Variants in SAE1 observed in about 807,000 individuals in gnomAD.
The protein encoded by SAE1 is SUMO1 activating enzyme subunit 1.
In SAE1, 11 loss-of-function variants were observed where a neutral mutation model predicts 40.6. That is an observed-to-expected ratio of 0.27 (90% CI 0.17 to 0.45). SAE1 has a LOEUF of 0.45. Among genes scored for constraint, SAE1 ranks in the 20% least tolerant of loss-of-function variants. SAE1 has a pLI of 1.00. For missense variants in SAE1, 373 were observed against 427.3 expected, an observed-to-expected ratio of 0.87 and a Z score of 1.12; for synonymous variants, 155 against 154.3, an observed-to-expected ratio of 1.00 and a Z score of -0.03.
intron 1 of SAE1, among the ~76,000 whole-genome samples, chr19:47,138,187 G>A (rs546594347): frequency 4.6e-5 from 7 of 152,110 alleles, no homozygotes. Context: ...GGGATTACAG[G>A]CGCCTGCTAC....
At chr19:47,157,139 T>C (rs561745607) in intron 5 of SAE1, among the ~76,000 whole-genome samples, 72 of 152,086 alleles carry the variant, frequency 4.7e-4, no homozygotes, top group African/African-American at 1.7e-3. Context: ...GCGTTGGAGA[T>C]TTTCTTTCTC....
Position 47,209,368 on chromosome 19 carries a change from C to T in SAE1, c.*117C>T, listed in dbSNP as rs778916505. On this transcript the variant is annotated 3_prime_UTR_variant, in exon 9 of 9. Coordinates refer to ENST00000270225, the MANE Select transcript of SAE1 (RefSeq NM_005500.3). ...GAAAACTGAAGTCATTGGCCCGATA[C>T]AAAACATTTCCTGCAACGAAGGAGG... 589 of 1,549,018 alleles carry T rather than the reference C, an allele frequency of 3.8e-4. No homozygotes were observed. The highest frequency in any genetic ancestry group is 5.0e-4 in the Non-Finnish European group (572 of 1,137,782).
intron 1 of SAE1, among the ~76,000 whole-genome samples, chr19:47,136,426 C>A (rs897145103): frequency 1.6e-4 from 25 of 152,086 alleles, no homozygotes; most frequent in African/African-American, 5.6e-4. Context: ...GCGTGAGCCA[C>A]CACACCCAGC....
chr19:47,165,567 G>A (rs2058387413), intron 5 of SAE1, among the ~76,000 whole-genome samples: 1 of 152,168 alleles, frequency 6.6e-6, no homozygotes, highest in Non-Finnish European at 1.5e-5. Context: ...GTGGATAGTG[G>A]ATGCCACTCC....
chr19:47,191,512 G>T (rs912067212), intron 6 of SAE1, among the ~76,000 whole-genome samples: 3 of 152,280 alleles, frequency 2.0e-5, no homozygotes, highest in African/African-American at 7.2e-5. Context: ...TGGAGGCAAA[G>T]CTGTGCATGG....
chr19:47,131,850 G>A (rs2058145855), intron 1 of SAE1, among the ~76,000 whole-genome samples: 1 of 151,518 alleles, frequency 6.6e-6, no homozygotes, highest in Non-Finnish European at 1.5e-5. Flanking sequence ...ATAGGGGCCC[G>A]CCAGCACGCC....
intron 6 of SAE1, among the ~76,000 whole-genome samples, chr19:47,181,968 T>C (rs912770639): frequency 1.1e-4 from 17 of 151,872 alleles, no homozygotes; most frequent in African/African-American, 4.1e-4. Context: ...TTTAATTTTA[T>C]TGTAGAGAGG....
intron 5 of SAE1, among the ~76,000 whole-genome samples, chr19:47,168,443 A>C (rs1013453303): frequency 4.0e-5 from 6 of 151,894 alleles, no homozygotes; most frequent in African/African-American, 1.5e-4. Flanking sequence ...AGCTGGTACC[A>C]CAGGTGCATG....
intron 2 of SAE1, among the ~76,000 whole-genome samples, chr19:47,149,256 C>T (rs1295952651): frequency 1.1e-4 from 17 of 150,210 alleles, no homozygotes; most frequent in Admixed American, 5.3e-4. Flanking sequence ...CTGCAACCTC[C>T]GCCTCCCCTG....
At chr19:47,187,799 G>A (rs2058552897) in intron 6 of SAE1, among the ~76,000 whole-genome samples, 1 of 152,150 alleles carries the variant, frequency 6.6e-6, no homozygotes, top group Admixed American at 6.5e-5. Flanking sequence ...TGGGATTACA[G>A]GCGTGAGCCA....
intron 1 of SAE1, among the ~76,000 whole-genome samples, chr19:47,137,727 GT>G (rs2058190368): frequency 9.9e-6 from 1 of 100,524 alleles, no homozygotes; most frequent in African/African-American, 3.4e-5. Flanking sequence ...GTGTGTGTGT[GT>G]TGTTTTTTTT....
intron 6 of SAE1, among the ~76,000 whole-genome samples, chr19:47,173,428 C>T (rs1323972608): frequency 6.6e-6 from 1 of 152,192 alleles, no homozygotes; most frequent in Non-Finnish European, 1.5e-5. Context: ...AGCACCTGCA[C>T]TGAATATTCA....
intron 7 of SAE1, among the ~76,000 whole-genome samples, chr19:47,201,025 TTTTTTTTA>T (rs1320752535): frequency 1.7e-3 from 257 of 151,520 alleles, no homozygotes; most frequent in African/African-American, 5.9e-3. Context: ...GCCCAGCTAT[TTTTTTTTA>T]TTTTTTTATT....
chr19:47,184,098 A>G (rs548207745), intron 6 of SAE1, among the ~76,000 whole-genome samples: 2 of 152,302 alleles, frequency 1.3e-5, no homozygotes, highest in East Asian at 3.9e-4. Context: ...CAAGCTCTGG[A>G]ATCGCCTGAC....
intron 1 of SAE1, among the ~76,000 whole-genome samples, chr19:47,132,651 T>A (rs1266132032): frequency 6.6e-6 from 1 of 151,818 alleles, no homozygotes; most frequent in East Asian, 1.9e-4. Context: ...GGAAGCTGAG[T>A]TGGGGGGAGG....
intron 5 of SAE1, among the ~76,000 whole-genome samples, chr19:47,157,143 C>G (rs2058329314): frequency 6.6e-6 from 1 of 152,104 alleles, no homozygotes; most frequent in Admixed American, 6.6e-5. Context: ...TGGAGATTTT[C>G]TTTCTCATTT....
At chr19:47,142,073 A>G (rs183700892) in intron 1 of SAE1, among the ~76,000 whole-genome samples, 3 of 152,172 alleles carry the variant, frequency 2.0e-5, no homozygotes, top group Admixed American at 1.3e-4. Context: ...ATCTTCTGTC[A>G]CTTTACAGAT....
chr19:47,134,009 C>T (rs2058163680), intron 1 of SAE1, among the ~76,000 whole-genome samples: 1 of 151,718 alleles, frequency 6.6e-6, no homozygotes, highest in Non-Finnish European at 1.5e-5. Context: ...ATTACAGGCG[C>T]CCGCCACCAT....
intron 1 of SAE1, among the ~76,000 whole-genome samples, chr19:47,141,565 G>C (rs908410053): frequency 2.6e-5 from 4 of 152,054 alleles, no homozygotes; most frequent in Admixed American, 2.0e-4. Context: ...GTTCGGGGAG[G>C]GGGAGTGCTT....
Sources: allele counts gnomAD v4.1 joint callset (sites outside exome capture counted in the v4.1 genomes callset), GRCh38; gene constraint gnomAD v4.1.1; transcripts MANE v1.5; gene names NCBI Gene and HGNC (gene_info 2026-07-23, HGNC 2026-07-21).